The following COL11A2 variants were observed in gnomAD, a reference collection of about 807,000 sequenced individuals.
The protein encoded by COL11A2 is collagen type XI alpha 2 chain, also known as collagen alpha-2(XI) chain.
Under a neutral mutation model 273.4 loss-of-function variants are expected in COL11A2, and 116 were observed. That is an observed-to-expected ratio of 0.42 (90% CI 0.36 to 0.49). COL11A2 has a LOEUF of 0.49. Ranked by LOEUF, COL11A2 falls within the 20% of genes least tolerant of loss-of-function variation. The pLI is 0.00. For missense variants in COL11A2, 1,866 were observed against 2,309.0 expected, an observed-to-expected ratio of 0.81 and a Z score of 3.93; for synonymous variants, 782 against 864.2, an observed-to-expected ratio of 0.90 and a Z score of 1.67.
At chr6:33,185,556 G>A (rs1320758556) in intron 6 of COL11A2, 145 bp downstream of exon 6, 1 of 460,220 alleles carries the variant, frequency 2.2e-6, no homozygotes, top group South Asian at 1.6e-5. Context: ...GAGACAGGGA[G>A]GGGGCAGGAA....
At chr6:33,188,289 G>A (rs1772661315) in intron 4 of COL11A2, 73 bp downstream of exon 4, 1 of 1,557,868 alleles carries the variant, frequency 6.4e-7, no homozygotes, top group Non-Finnish European at 8.8e-7. Context: ...AAGATGACAT[G>A]CTGGGGCCAG....
At position 33,180,330 on chromosome 6, in the gene COL11A2, G is replaced by T. The variant is rs549704545; in HGVS notation, c.1287C>A (p.Gly429=). The stretch of plus-strand genomic sequence containing the variant: ...CAGGGAGCCCTGCTCGGCCAGGGGG[G>T]CCCTGGAGTGGGAAGAGAATGCAAA... ...PGPVGDPGER[G]PPGRAGLPGS... The change falls in exon 12 of 66, where the codon GGC becomes GGA. Residue 429 remains glycine (G), a splice_region_variant and synonymous_variant. Coordinates refer to ENST00000341947, the MANE Select transcript of COL11A2 (RefSeq NM_080680.3). 9 of 1,611,066 alleles carry T rather than the reference G, an allele frequency of 5.6e-6. No homozygotes were observed. The highest frequency in any genetic ancestry group is 1.7e-5 in the Admixed American group (1 of 59,822).
In COL11A2 at chr6:33,192,431, G is replaced by C; in HGVS notation, c.-191C>G. On this transcript the variant is annotated 5_prime_UTR_variant, in exon 1 of 66. Coordinates refer to ENST00000341947, the MANE Select transcript of COL11A2 (RefSeq NM_080680.3). ...GCAGCAAGGCGCCGTCGGGGCTCCCGGCACTGCTCCCTCCTCGGTGGCTGC... is the reference window on the plus strand; with the variant it reads ...GCAGCAAGGCGCCGTCGGGGCTCCCCGCACTGCTCCCTCCTCGGTGGCTGC... 1 of 624,896 alleles carries C rather than the reference G, an allele frequency of 1.6e-6. No individual in the cohort carries two copies. Among genetic ancestry groups the C allele is most frequent in the South Asian group, 1.9e-5 (1 of 53,772 alleles). 38.7% of individuals were successfully genotyped at this position (624,896 alleles called of 1,614,324 possible). A position where few individuals can be genotyped will look rare whatever the true frequency, so the allele number is the denominator to read the frequency against.
Position 33,179,536 on chromosome 6 carries a change from C to A in COL11A2, c.1447-49G>T. 1 of 1,508,008 alleles carries A rather than the reference C, an allele frequency of 6.6e-7. No homozygotes were observed. The highest frequency in any genetic ancestry group is 9.0e-7 in the Non-Finnish European group (1 of 1,107,756). 93.4% of individuals were successfully genotyped at this position (1,508,008 alleles called of 1,614,324 possible). A position where few individuals can be genotyped will look rare whatever the true frequency, so the allele number is the denominator to read the frequency against. On this transcript the variant is annotated intron_variant, in intron 13 of 65. Transcript: ENST00000341947. This position sits in a 1 kb window ranked among gnomAD's most constrained non-coding sequence, Gnocchi z 6.4. ...AGCTGAGGGACAGGCAGTGGGAACCCCCAGCCCCAGCACTCTCCAAATTCA... is the reference window on the plus strand; with the variant it reads ...AGCTGAGGGACAGGCAGTGGGAACCACCAGCCCCAGCACTCTCCAAATTCA...
In COL11A2 at chr6:33,167,181, A is replaced by G. The variant is rs374302284; in HGVS notation, c.4177-58T>C. The G allele has an allele frequency of 7.3e-4, 1,172 of 1,613,632 alleles. 11 individuals carry two copies. In the African/African-American group the frequency reaches 0.015, roughly 20 times the overall value. On this transcript the variant is annotated intron_variant, in intron 57 of 65. Transcript: ENST00000341947. The surrounding 1 kb of genome is among the most constrained non-coding windows in gnomAD (Gnocchi z 6.1). The stretch of plus-strand genomic sequence containing the variant: ...GAGAGGTGGGACCAAGTTCTCCCCA[A>G]CAGCCTCCACTTCCTCCAGGGCTTC...
chr6:33,182,069 G>A (rs1199541028), intron 8 of COL11A2, among the ~76,000 whole-genome samples: 1 of 152,060 alleles, frequency 6.6e-6, no homozygotes. Flanking sequence ...GAGGTCAGGA[G>A]TTTGAGACCA....
intron 39 of COL11A2, 32 bp downstream of exon 39, chr6:33,172,498 C>T (rs865958498): frequency 1.2e-6 from 2 of 1,600,992 alleles, no homozygotes; most frequent in Middle Eastern, 3.3e-4. Context: ...CCCCAGCTCC[C>T]CCACTTCCCC....
intron 38 of COL11A2, 87 bp downstream of exon 38, chr6:33,172,973 C>A: frequency 7.1e-7 from 1 of 1,415,704 alleles, no homozygotes; most frequent in South Asian, 1.2e-5. Flanking sequence ...TCAGGTGGAC[C>A]GGGGCAGGGG....
intron 1 of COL11A2, among the ~76,000 whole-genome samples, chr6:33,191,692 A>G (rs1037140155): frequency 6.6e-6 from 1 of 152,250 alleles, no homozygotes; most frequent in African/African-American, 2.4e-5. Flanking sequence ...TGAGACAGGT[A>G]GTCAAGGCTT....
In COL11A2 at chr6:33,163,879, C is replaced by A; in HGVS notation, c.5071-61G>T. 1.9e-6 allele frequency: 3 copies of A among 1,612,208 alleles called. No homozygotes were observed. In the South Asian group the frequency reaches 3.3e-5, roughly 18 times the overall value. ...ATGGAGGCACCCCCCACCCTCTAAC[C>A]TCAGGCCCAGGCTCACCTCTCCTCT... On this transcript the variant is annotated intron_variant, in intron 65 of 65. Transcript: ENST00000341947. The surrounding 1 kb of genome is among the most constrained non-coding windows in gnomAD (Gnocchi z 4.1).
chr6:33,176,804 G>A lies in COL11A2; in HGVS notation c.2071-39C>T. The stretch of plus-strand genomic sequence containing the variant: ...ATAGAAAATGTGACCAGTGGCCCCT[G>A]TCACCCTCTCTGCACCCCTCCCTAC... On this transcript the variant is annotated intron_variant, in intron 25 of 65. Coordinates refer to ENST00000341947, the MANE Select transcript of COL11A2 (RefSeq NM_080680.3). This position sits in a 1 kb window ranked among gnomAD's most constrained non-coding sequence, Gnocchi z 4.9. The A allele has an allele frequency of 6.2e-7, 1 of 1,605,208 alleles. No homozygotes were observed. The highest frequency in any genetic ancestry group is 8.5e-7 in the Non-Finnish European group (1 of 1,175,330).
At chr6:33,171,405 A>T in intron 43 of COL11A2, 62 bp downstream of exon 43, 1 of 1,609,122 alleles carries the variant, frequency 6.2e-7, no homozygotes, top group Middle Eastern at 1.7e-4. Context: ...GCCAGGGGTC[A>T]TGCCCAGGTC....
intron 8 of COL11A2, among the ~76,000 whole-genome samples, chr6:33,181,686 G>A (rs922663380): frequency 6.6e-6 from 1 of 151,774 alleles, no homozygotes; most frequent in Non-Finnish European, 1.5e-5. Context: ...GGGTTTCACC[G>A]TGTTGGCCAG....
Position 33,177,241 on chromosome 6 carries a change from G to C in COL11A2, c.1972-16C>G. On this transcript the variant is annotated splice_polypyrimidine_tract_variant and intron_variant, in intron 23 of 65. Transcript: ENST00000341947. This position sits in a 1 kb window ranked among gnomAD's most constrained non-coding sequence, Gnocchi z 5.9. ...CGGGAAGACCCTACATACAGGGAAA[G>C]AGAAGTCACAGGGGCCTCCCAGGGT... 6.2e-7 allele frequency: 1 copy of C among 1,613,018 alleles called. No homozygotes were observed. Among genetic ancestry groups the C allele is most frequent in the East Asian group, 2.2e-5 (1 of 44,882 alleles).
intron 5 of COL11A2, chr6:33,186,417 A>G (rs1427349787): frequency 1.4e-6 from 2 of 1,433,692 alleles, no homozygotes; most frequent in South Asian, 3.1e-5. Context: ...GGAGACGCAG[A>G]GCAGGGAACA....
chr6:33,176,819 C>T lies in COL11A2; in HGVS notation c.2071-54G>A. On this transcript the variant is annotated intron_variant, in intron 25 of 65. Coordinates refer to ENST00000341947, the MANE Select transcript of COL11A2 (RefSeq NM_080680.3). This position sits in a 1 kb window ranked among gnomAD's most constrained non-coding sequence, Gnocchi z 4.9. ...AGTGGCCCCTGTCACCCTCTCTGCA[C>T]CCCTCCCTACACTTCTTCCAACCCA... is the stretch of plus-strand genomic sequence containing the variant. 6.3e-7 allele frequency: 1 copy of T among 1,586,970 alleles called. No homozygotes were observed.
Position 33,190,111 on chromosome 6 carries a change from G to C in COL11A2, c.83-642C>G, listed in dbSNP as rs1772937457. Among the ~76,000 whole-genome samples the C allele has an allele frequency of 6.6e-6, 1 of 152,062 alleles. No homozygotes were observed. The highest frequency in any genetic ancestry group is 2.4e-5 in the African/African-American group (1 of 41,388). On this transcript the variant is annotated intron_variant, in intron 1 of 65. Transcript: ENST00000341947. This position sits in a 1 kb window ranked among gnomAD's most constrained non-coding sequence, Gnocchi z 4.5. ...GATCCCAGGTTTGGGGGATGGGGTG[G>C]GAACAACCCTGAGCATGCTGAGGAA... is the stretch of plus-strand genomic sequence containing the variant.
intron 53 of COL11A2, 37 bp from the exon 54 acceptor site, chr6:33,168,609 C>T (rs746923018): frequency 9.9e-6 from 16 of 1,611,498 alleles, no homozygotes; most frequent in Non-Finnish European, 1.3e-5. Flanking sequence ...GAGTGTTTAT[C>T]CTCCAGCCAA....
In COL11A2 at chr6:33,164,359, G is replaced by A. The variant is rs546841812; in HGVS notation, c.4978C>T (p.Arg1660Cys). Residue 1660 changes from arginine (R) to cysteine (C), a missense_variant, in exon 65 of 66, where the codon CGT becomes TGT. Coordinates refer to ENST00000341947, the MANE Select transcript of COL11A2 (RefSeq NM_080680.3). This position sits in a 1 kb window ranked among gnomAD's most constrained non-coding sequence, Gnocchi z 4.7. ...CCACGGAGTCTCAGGGGACCGTCAC[G>A]GGCTGCTCCAGAGCAGGGGTAGGAG... Reference protein sequence around the residue: ...DVSYPCSGAARDGPLRLRGAN... With the variant: ...DVSYPCSGAACDGPLRLRGAN... 21 of 1,612,648 alleles carry A rather than the reference G, an allele frequency of 1.3e-5. No individual in the cohort carries two copies. Among genetic ancestry groups the A allele is most frequent in the East Asian group, 2.2e-5 (1 of 44,878 alleles).
Sources: gnomAD v4.1 joint callset for allele counts (sites outside exome capture counted in the v4.1 genomes callset) on GRCh38, gnomAD v4.1.1 for gene constraint, Gnocchi (gnomAD v3.1) non-coding constraint, MANE v1.5 for transcripts, NCBI Gene and HGNC (gene_info 2026-07-23, HGNC 2026-07-21) for gene names.